CSMD3: variants seen among roughly 807,000 people sequenced by gnomAD.
CSMD3 encodes the protein CUB and Sushi multiple domains 3.
In CSMD3, 177 loss-of-function variants were observed where a neutral mutation model predicts 435.2. That is an observed-to-expected ratio of 0.41 (90% CI 0.36 to 0.46). The LOEUF (loss-of-function observed/expected upper bound fraction) is 0.46. Ranked by LOEUF, CSMD3 falls within the 20% of genes least tolerant of loss-of-function variation. The pLI is 0.34. For missense variants in CSMD3, 4,265 were observed against 4,504.6 expected (o/e 0.95, Z 1.52); for synonymous variants, 1,656 against 1,520.5 (o/e 1.09, Z -2.07).
rs562522658 is a variant in CSMD3 at position 112,304,875 on chromosome 8, A to G, written c.8112T>C (p.His2704=). 1 of 1,613,850 alleles carries G rather than the reference A, an allele frequency of 6.2e-7. No individual in the cohort carries two copies. The highest frequency in any genetic ancestry group is 1.3e-5 in the African/African-American group (1 of 75,044). Residue 2704 remains histidine (H), a synonymous_variant, in exon 52 of 71, where the codon CAT becomes CAC. Transcript: ENST00000297405. The part of the protein sequence containing the change: ...CPSINSFILE[H]GRWRIVNGSH... ...AGCCATTCACAATTCGCCATCTTCCATGTTCCAAGATAAAGGAATTGATGC... is the reference window on the plus strand; with the variant it reads ...AGCCATTCACAATTCGCCATCTTCCGTGTTCCAAGATAAAGGAATTGATGC...
intron 36 of CSMD3, among the ~76,000 whole-genome samples, chr8:112,384,225 T>C (rs1220370839): frequency 1.3e-5 from 2 of 152,200 alleles, no homozygotes; most frequent in Non-Finnish European, 2.9e-5. Context: ...TTTTAATAAG[T>C]TTCAGTATGG....
At chr8:112,621,661 ATT>A (rs960550518) in intron 22 of CSMD3, among the ~76,000 whole-genome samples, 1 of 151,830 alleles carries the variant, frequency 6.6e-6, no homozygotes, top group African/African-American at 2.4e-5. Flanking sequence ...CTAGGACACC[ATT>A]TTTTTACTTG....
At chr8:113,079,227 T>C (rs1472621355) in intron 5 of CSMD3, among the ~76,000 whole-genome samples, 2 of 152,270 alleles carry the variant, frequency 1.3e-5, no homozygotes, top group South Asian at 2.1e-4. Context: ...TCAGAATAAA[T>C]GTCATTGTTC....
chr8:112,387,197 GT>G (rs959645339), intron 36 of CSMD3, among the ~76,000 whole-genome samples: 3 of 151,016 alleles, frequency 2.0e-5, no homozygotes, highest in Admixed American at 2.0e-4. Context: ...TTAACAAATT[GT>G]TTGTTCAGGT....
intron 3 of CSMD3, among the ~76,000 whole-genome samples, chr8:113,254,317 G>A (rs1488285011): frequency 6.6e-6 from 1 of 152,222 alleles, no homozygotes; most frequent in Non-Finnish European, 1.5e-5. Context: ...TAAGCTGGAA[G>A]CGTGCATGAT....
At chr8:113,383,660 T>C (rs1347432576) in intron 1 of CSMD3, among the ~76,000 whole-genome samples, 1 of 152,150 alleles carries the variant, frequency 6.6e-6, no homozygotes, top group African/African-American at 2.4e-5. Context: ...TAAGTAGTGA[T>C]TTTAGGGTTT....
intron 2 of CSMD3, among the ~76,000 whole-genome samples, chr8:113,299,168 C>T (rs147280683): frequency 2.2e-3 from 330 of 152,130 alleles, no homozygotes; most frequent in African/African-American, 7.6e-3. Flanking sequence ...ACATAATAAC[C>T]AATTTGGTTT....
intron 12 of CSMD3, among the ~76,000 whole-genome samples, chr8:112,825,630 C>T (rs1363435109): frequency 6.6e-6 from 1 of 152,060 alleles, no homozygotes; most frequent in Non-Finnish European, 1.5e-5. Flanking sequence ...CACTTCAGGC[C>T]CTATTCATCT....
intron 22 of CSMD3, among the ~76,000 whole-genome samples, chr8:112,627,353 C>T (rs528917666): frequency 3.0e-4 from 46 of 152,186 alleles, no homozygotes; most frequent in Middle Eastern, 6.8e-3. Flanking sequence ...GAAGAGGTCA[C>T]CCAGAGTTTA....
chr8:112,557,401 G>A (rs556950684), intron 24 of CSMD3, among the ~76,000 whole-genome samples: 1 of 151,910 alleles, frequency 6.6e-6, no homozygotes, highest in Non-Finnish European at 1.5e-5. Flanking sequence ...CCATACCTAA[G>A]TTTCTATAAT....
intron 38 of CSMD3, among the ~76,000 whole-genome samples, chr8:112,377,000 G>C (rs1586919977): frequency 6.6e-6 from 1 of 152,174 alleles, no homozygotes; most frequent in Non-Finnish European, 1.5e-5. Flanking sequence ...GTTTCATATA[G>C]TTGTTTAACA....
intron 24 of CSMD3, among the ~76,000 whole-genome samples, chr8:112,564,402 T>C (rs572439039): frequency 7.0e-6 from 1 of 143,346 alleles, no homozygotes; most frequent in African/African-American, 2.5e-5. Context: ...TCTCCTCTCC[T>C]CTCCTCTCCT....
rs1354794722 is a variant in CSMD3, at chr8:112,252,687, A to G, written c.10110+1566T>C. Among the ~76,000 whole-genome samples the G allele has an allele frequency of 4.0e-3, 218 of 54,876 alleles. No homozygotes were observed. The African/African-American group carries it at 0.075, about 19-fold the overall frequency. 36.0% of individuals were successfully genotyped at this position (54,876 alleles called of 152,430 possible). A position where few individuals can be genotyped will look rare whatever the true frequency, so the allele number is the denominator to read the frequency against. On this transcript the variant is annotated intron_variant, in intron 63 of 70. Coordinates refer to ENST00000297405, the MANE Select transcript of CSMD3 (RefSeq NM_198123.2). ...ATTTAGTATGTGTGTGTGTATATATATATATATATATATATATATATACAC... is the reference window on the plus strand; with the variant it reads ...ATTTAGTATGTGTGTGTGTATATATGTATATATATATATATATATATACAC...
At chr8:112,367,449 A>C (rs552850944) in intron 38 of CSMD3, among the ~76,000 whole-genome samples, 1 of 152,326 alleles carries the variant, frequency 6.6e-6, no homozygotes, top group East Asian at 1.9e-4. Flanking sequence ...TTAAAGCAAA[A>C]CTGTTATCAT....
At chr8:112,908,557 A>G (rs1213141375) in intron 10 of CSMD3, among the ~76,000 whole-genome samples, 2 of 151,498 alleles carry the variant, frequency 1.3e-5, no homozygotes, top group African/African-American at 2.4e-5. Context: ...CATTCCTCCC[A>G]GGTTTTAACT....
intron 37 of CSMD3, 22 bp from the exon 38 acceptor site, chr8:112,380,478 C>A: frequency 8.5e-7 from 1 of 1,182,998 alleles, no homozygotes; most frequent in Non-Finnish European, 1.3e-6. Context: ...TATGAGAAGG[C>A]AAGACAATGA....
chr8:113,381,056 G>C (rs1480927923), intron 1 of CSMD3, among the ~76,000 whole-genome samples: 3 of 152,080 alleles, frequency 2.0e-5, no homozygotes, highest in Non-Finnish European at 2.9e-5. Flanking sequence ...TGCCAAGCTC[G>C]CACAATGTTT....
rs554033692 is a variant in CSMD3, at chr8:112,570,850, T to C, written c.4042+2651A>G. On this transcript the variant is annotated intron_variant, in intron 24 of 70. Transcript: ENST00000297405. ...AAACATTTTGTTTACAGATATGATA[T>C]GGAAATTTTTAGTTTTATCTCTAAG... Among the ~76,000 whole-genome samples, 18 of 152,278 alleles carry C rather than the reference T, an allele frequency of 1.2e-4. No individual in the cohort carries two copies. In the East Asian group the frequency reaches 3.5e-3, roughly 29 times the overall value.
chr8:112,591,106 A>G (rs1586750445), intron 22 of CSMD3, among the ~76,000 whole-genome samples: 1 of 152,266 alleles, frequency 6.6e-6, no homozygotes, highest in Middle Eastern at 3.4e-3. Flanking sequence ...TCTTTTTAGC[A>G]TATAAATATT....
Sources: gnomAD v4.1 joint callset for allele counts (sites outside exome capture counted in the v4.1 genomes callset) on GRCh38, gnomAD v4.1.1 for gene constraint, MANE v1.5 for transcripts, NCBI Gene and HGNC (gene_info 2026-07-23, HGNC 2026-07-21) for gene names.